Variants in GALNT18 observed in about 807,000 individuals in gnomAD.
GALNT18 encodes the protein GalNAc-transferase 18.
In GALNT18, 44 loss-of-function variants were observed where a neutral mutation model predicts 69.5. The ratio of observed to expected loss-of-function variants is 0.63; its 90% CI spans 0.50 to 0.81. The LOEUF (loss-of-function observed/expected upper bound fraction) is 0.81. Ranked by LOEUF, GALNT18 falls within the 40% of genes least tolerant of loss-of-function variation. GALNT18 has a pLI of 0.00. For synonymous variants in GALNT18, 364 were observed against 318.2 expected (o/e 1.14, Z -1.53); for missense variants, 715 against 810.0 (o/e 0.88, Z 1.42).
chr11:11,506,093 C>T (rs905612008), intron 1 of GALNT18, among the ~76,000 whole-genome samples: 4 of 152,136 alleles, frequency 2.6e-5, no homozygotes, highest in Non-Finnish European at 4.4e-5. Flanking sequence ...TGATGAAAGG[C>T]ACAGCCAAGC....
At chr11:11,373,106 A>T (rs1259055442) in intron 5 of GALNT18, among the ~76,000 whole-genome samples, 3 of 152,124 alleles carry the variant, frequency 2.0e-5, no homozygotes, top group Admixed American at 2.0e-4. Context: ...AAAAAATTTG[A>T]ATTTTATCTT....
At chr11:11,349,248 C>T (rs1297104297) in intron 6 of GALNT18, among the ~76,000 whole-genome samples, 1 of 152,134 alleles carries the variant, frequency 6.6e-6, no homozygotes, top group Non-Finnish European at 1.5e-5. Context: ...GATGGTGCTC[C>T]TCGGAACGCG....
chr11:11,569,610 G>A (rs4910385), intron 1 of GALNT18, among the ~76,000 whole-genome samples: 124,905 of 152,118 alleles, frequency 0.82, 51,341 homozygotes, highest in East Asian at 0.88. Flanking sequence ...ACAAGGCCAA[G>A]TTCACTAAAC....
intron 1 of GALNT18, among the ~76,000 whole-genome samples, chr11:11,524,925 G>A (rs1181595733): frequency 6.6e-6 from 1 of 152,186 alleles, no homozygotes; most frequent in Non-Finnish European, 1.5e-5. Context: ...CACAAGCTCT[G>A]AGAAGCAATA....
intron 1 of GALNT18, among the ~76,000 whole-genome samples, chr11:11,581,527 C>T (rs916037411): frequency 1.3e-5 from 2 of 151,424 alleles, no homozygotes; most frequent in African/African-American, 4.8e-5. Flanking sequence ...CTGACCTCCC[C>T]TCCTCCTCCC....
rs1032351259 is a variant in GALNT18, at chr11:11,459,741, G to C, written c.236-10805C>G. Among the ~76,000 whole-genome samples, 2 of 152,254 alleles carry C rather than the reference G, an allele frequency of 1.3e-5. No individual in the cohort carries two copies. Among genetic ancestry groups the C allele is most frequent in the Non-Finnish European group, 2.9e-5 (2 of 68,046 alleles). ...CCCGAAAGTGCTTAGCAAACCATCA[G>C]ATAGGTGGTAAAGTGTATTAATAGT... On this transcript the variant is annotated intron_variant, in intron 1 of 10. Coordinates refer to ENST00000227756, the MANE Select transcript of GALNT18 (RefSeq NM_198516.3). The surrounding 1 kb of genome is among the most constrained non-coding windows in gnomAD (Gnocchi z 5.0).
At chr11:11,565,396 G>A (rs898517676) in intron 1 of GALNT18, among the ~76,000 whole-genome samples, 2 of 152,154 alleles carry the variant, frequency 1.3e-5, no homozygotes, top group Admixed American at 6.5e-5. Context: ...GAAGGGTTCT[G>A]GTATGCCTGT....
At chr11:11,295,023 A>G (rs1253285982) in intron 9 of GALNT18, among the ~76,000 whole-genome samples, 1 of 152,216 alleles carries the variant, frequency 6.6e-6, no homozygotes, top group African/African-American at 2.4e-5. Context: ...TGGCAAAATT[A>G]TGTATTTCTT....
intron 1 of GALNT18, among the ~76,000 whole-genome samples, chr11:11,530,069 C>T (rs538096244): frequency 1.3e-5 from 2 of 152,244 alleles, no homozygotes; most frequent in Admixed American, 1.3e-4. Context: ...AATTGCACCC[C>T]AGGGCCAGGC....
At chr11:11,284,622 G>A (rs560979229) in intron 10 of GALNT18, among the ~76,000 whole-genome samples, 5 of 152,298 alleles carry the variant, frequency 3.3e-5, no homozygotes, top group South Asian at 2.1e-4. Flanking sequence ...GTACTAGCTC[G>A]TGTATTCCAA....
intron 6 of GALNT18, among the ~76,000 whole-genome samples, chr11:11,364,333 C>T (rs1025647517): frequency 3.3e-5 from 5 of 152,240 alleles, no homozygotes; most frequent in Non-Finnish European, 7.3e-5. Flanking sequence ...CACAAGTAGA[C>T]ATCGTGTACC....
chr11:11,485,748 G>A (rs1398411470), intron 1 of GALNT18, among the ~76,000 whole-genome samples: 1 of 152,146 alleles, frequency 6.6e-6, no homozygotes, highest in Non-Finnish European at 1.5e-5. Flanking sequence ...TGAAGAACAG[G>A]GGGCTTGCTT....
chr11:11,420,153 C>T (rs1312597380), intron 3 of GALNT18, among the ~76,000 whole-genome samples: 1 of 151,940 alleles, frequency 6.6e-6, no homozygotes, highest in African/African-American at 2.4e-5. Context: ...ACAAACAAAC[C>T]TCCCTCACCA....
At position 11,601,163 on chromosome 11, in the gene GALNT18, T is replaced by A. The variant is rs1185100089; in HGVS notation, c.235+20196A>T. ...GTCCCCTGAAAGACAATTTCTATGA[T>A]CTGCTTTGATGTCTCTTAAATTTCT... On this transcript the variant is annotated intron_variant, in intron 1 of 10. Coordinates refer to ENST00000227756, the MANE Select transcript of GALNT18 (RefSeq NM_198516.3). This position sits in a 1 kb window ranked among gnomAD's most constrained non-coding sequence, Gnocchi z 4.0. Among the ~76,000 whole-genome samples the A allele has an allele frequency of 1.3e-5, 2 of 152,218 alleles. No individual in the cohort carries two copies. The highest frequency in any genetic ancestry group is 2.4e-5 in the African/African-American group (1 of 41,474).
intron 3 of GALNT18, among the ~76,000 whole-genome samples, chr11:11,410,813 A>G (rs1159245629): frequency 1.3e-5 from 2 of 151,272 alleles, no homozygotes; most frequent in South Asian, 2.1e-4. Context: ...TGGTGCTTCA[A>G]GTGAAAAGGC....
chr11:11,589,790 A>C lies in GALNT18; in HGVS notation c.235+31569T>G, dbSNP rs186888995. On this transcript the variant is annotated intron_variant, in intron 1 of 10. Coordinates refer to ENST00000227756, the MANE Select transcript of GALNT18 (RefSeq NM_198516.3). ...TTGGCTGCTCACAAAAATTCCCAAC[A>C]ACCTACTCTCAAATTTGTAGCCCAG... Among the ~76,000 whole-genome samples, 32 of 152,262 alleles carry C rather than the reference A, an allele frequency of 2.1e-4. No homozygotes were observed. The East Asian group carries it at 3.9e-3, about 18-fold the overall frequency.
At chr11:11,533,141 C>T (rs554019245) in intron 1 of GALNT18, among the ~76,000 whole-genome samples, 2 of 152,294 alleles carry the variant, frequency 1.3e-5, no homozygotes, top group African/African-American at 4.8e-5. Context: ...AATGTTACAG[C>T]TGTCTGGCCT....
chr11:11,577,165 G>A (rs1420600417), intron 1 of GALNT18, among the ~76,000 whole-genome samples: 1 of 152,214 alleles, frequency 6.6e-6, no homozygotes, highest in African/African-American at 2.4e-5. Context: ...AATAACGTAT[G>A]TGCTGCATTC....
At chr11:11,352,652 A>T in intron 6 of GALNT18, 2 of 1,614,178 alleles carry the variant, frequency 1.2e-6, no homozygotes, top group Non-Finnish European at 1.7e-6. Context: ...GGGGCTTGAC[A>T]TCTCTGTGCA....
Sources: gnomAD v4.1 joint callset for allele counts (sites outside exome capture counted in the v4.1 genomes callset) on GRCh38, gnomAD v4.1.1 for gene constraint, Gnocchi (gnomAD v3.1) non-coding constraint, MANE v1.5 for transcripts, NCBI Gene and HGNC (gene_info 2026-07-23, HGNC 2026-07-21) for gene names.